PAXIP1: variants seen among roughly 807,000 people sequenced by gnomAD.
PAXIP1 encodes the protein PAX interacting protein 1.
A neutral mutation model predicts 140.6 loss-of-function variants in PAXIP1; 19 were observed. The ratio of observed to expected loss-of-function variants is 0.14; its 90% CI spans 0.09 to 0.20. PAXIP1 has a LOEUF of 0.20. Among genes scored for constraint, PAXIP1 ranks in the 10% least tolerant of loss-of-function variants. The pLI, the probability that PAXIP1 is intolerant of heterozygous loss-of-function variation, is 1.00. For missense variants in PAXIP1, 920 were observed against 1,208.6 expected (o/e 0.76, Z 3.54); for synonymous variants, 442 against 444.6 (o/e 0.99, Z 0.07).
chr7:154,958,944 G>A (rs1421413739), intron 13 of PAXIP1, among the ~76,000 whole-genome samples: 1 of 152,168 alleles, frequency 6.6e-6, no homozygotes, highest in Non-Finnish European at 1.5e-5. Context: ...ATAACTACTA[G>A]TTTAAGCTAG....
At chr7:154,967,180 A>C (rs1026379364) in intron 8 of PAXIP1, 1 of 152,334 alleles carries the variant, frequency 6.6e-6, no homozygotes, top group Admixed American at 6.5e-5. Flanking sequence ...GATTTCGCAC[A>C]TATTCCCTAA....
At chr7:154,982,179 A>G (rs1371411108) in intron 5 of PAXIP1, among the ~76,000 whole-genome samples, 1 of 152,210 alleles carries the variant, frequency 6.6e-6, no homozygotes, top group Non-Finnish European at 1.5e-5. Context: ...GTCATGGAAA[A>G]TATGTTTTTT....
chr7:154,994,674 C>T (rs1810491345), intron 2 of PAXIP1, among the ~76,000 whole-genome samples: 1 of 152,052 alleles, frequency 6.6e-6, no homozygotes, highest in African/African-American at 2.4e-5. Flanking sequence ...GAAATGCCCC[C>T]CTTATCATTT....
Position 154,962,865 on chromosome 7 carries a change from T to C in PAXIP1, c.1990-407A>G, listed in dbSNP as rs565844318. Among the ~76,000 whole-genome samples the C allele has an allele frequency of 2.0e-5, 3 of 152,288 alleles. No homozygotes were observed. In the South Asian group the frequency reaches 6.2e-4, roughly 32 times the overall value. ...AAAAAGTCTCAGAAGTATTTCCACATTTTTACAGGAAAAGCAGATCCTGTG... is the reference window on the plus strand; with the variant it reads ...AAAAAGTCTCAGAAGTATTTCCACACTTTTACAGGAAAAGCAGATCCTGTG... On this transcript the variant is annotated intron_variant, in intron 9 of 20. Transcript: ENST00000404141.
chr7:154,983,239 T>C lies in PAXIP1; in HGVS notation c.418A>G (p.Ile140Val). The C allele has an allele frequency of 6.2e-7, 1 of 1,608,286 alleles. No homozygotes were observed. Among genetic ancestry groups the C allele is most frequent in the East Asian group, 2.2e-5 (1 of 44,758 alleles). The change falls in exon 5 of 21, where the codon ATT becomes GTT. Residue 140 changes from isoleucine (I) to valine (V), a missense_variant. By Grantham distance (29) the Ile-to-Val change is conservative. Around this residue, in one of 5 missense-constraint regions of PAXIP1, gnomAD observed 419 missense variants for 514.7 expected, o/e 0.81. Coordinates refer to ENST00000404141, the MANE Select transcript of PAXIP1 (RefSeq NM_007349.4). ...CTTACCCCCTTTGGCTCTGGAACAA[T>C]CAAATGCGTGCATTTCTTATTGAGG... The part of the protein sequence containing the change: ...LTLNKKCTHL[I>V]VPEPKGEKYE...
rs116483840 is a variant in PAXIP1, at chr7:154,966,783, G to C, written c.1893+1033C>G. Among the ~76,000 whole-genome samples the C allele has an allele frequency of 5.2e-3, 796 of 152,218 alleles. 5 individuals carry two copies. The highest frequency in any genetic ancestry group is 0.018 in the African/African-American group (727 of 41,516). On this transcript the variant is annotated intron_variant, in intron 8 of 20. Transcript: ENST00000404141. ...CCTTTACTATTTAAAATGCACAGCT[G>C]ATCACTTCACCTGCATCTAAACTTC...
chr7:154,953,790 A>G (rs958592801), intron 16 of PAXIP1, among the ~76,000 whole-genome samples: 7 of 152,222 alleles, frequency 4.6e-5, no homozygotes, highest in Non-Finnish European at 1.5e-5. Context: ...CCTGTTAGTA[A>G]AAGAATTTCT....
intron 5 of PAXIP1, 124 bp downstream of exon 5, chr7:154,983,095 C>G (rs1480765641): frequency 3.5e-6 from 2 of 567,180 alleles, no homozygotes; most frequent in Non-Finnish European, 6.2e-6. Flanking sequence ...ATAATATAAA[C>G]CAATATAATC....
intron 1 of PAXIP1, chr7:155,001,314 G>A (rs1188546543): frequency 1.3e-5 from 2 of 151,810 alleles, no homozygotes; most frequent in Non-Finnish European, 1.5e-5. Context: ...AATGAAACAC[G>A]AAGGCTAGGA....
rs190395454 is a variant in PAXIP1 at position 154,986,470 on chromosome 7, C to T, written c.325-3138G>A. ...ACTGTATGTTTACTGAGAGAGAAATCGCATCTTAATTAATTTGTACCCCTC... is the reference window on the plus strand; with the variant it reads ...ACTGTATGTTTACTGAGAGAGAAATTGCATCTTAATTAATTTGTACCCCTC... On this transcript the variant is annotated intron_variant, in intron 4 of 20. Coordinates refer to ENST00000404141, the MANE Select transcript of PAXIP1 (RefSeq NM_007349.4). This position sits in a 1 kb window ranked among gnomAD's most constrained non-coding sequence, Gnocchi z 4.8. 6.6e-6 allele frequency among the ~76,000 whole-genome samples: 1 copy of T among 152,118 alleles called. No individual in the cohort carries two copies. The highest frequency in any genetic ancestry group is 1.5e-5 in the Non-Finnish European group (1 of 68,012).
chr7:154,975,583 G>C, intron 6 of PAXIP1, 113 bp downstream of exon 6: 1 of 672,878 alleles, frequency 1.5e-6, no homozygotes, highest in African/African-American at 1.8e-5. Context: ...CACAAATACT[G>C]CTTGTAAGTT....
At chr7:154,984,145 A>C (rs2150774690) in intron 4 of PAXIP1, among the ~76,000 whole-genome samples, 1 of 152,306 alleles carries the variant, frequency 6.6e-6, no homozygotes, top group East Asian at 1.9e-4. Context: ...TGACTTTTAA[A>C]ACCCAGGTCT....
chr7:154,994,988 T>G (rs1231651523), intron 2 of PAXIP1, among the ~76,000 whole-genome samples: 1 of 152,204 alleles, frequency 6.6e-6, no homozygotes, highest in Non-Finnish European at 1.5e-5. Flanking sequence ...CAGGAATCGG[T>G]ATTGGCCTTG....
Position 154,975,687 on chromosome 7 carries a change from G to A in PAXIP1, c.1074+9C>T. The stretch of plus-strand genomic sequence containing the variant: ...AATACTGACATTTTTTTCGGAAAGA[G>A]TGACTTACATGTGCTACATTTGATG... On this transcript the variant is annotated intron_variant, in intron 6 of 20. Transcript: ENST00000404141. 1 of 1,565,300 alleles carries A rather than the reference G, an allele frequency of 6.4e-7. No individual in the cohort carries two copies. Among genetic ancestry groups the A allele is most frequent in the Non-Finnish European group, 8.8e-7 (1 of 1,142,420 alleles).
intron 16 of PAXIP1, chr7:154,949,082 C>T (rs920304086): frequency 1.3e-5 from 2 of 152,054 alleles, no homozygotes; most frequent in Non-Finnish European, 2.9e-5. Flanking sequence ...TCTCCTCCGC[C>T]GCCATTTCCT....
At chr7:154,955,942 A>G (rs1049902495) in intron 14 of PAXIP1, among the ~76,000 whole-genome samples, 2 of 152,256 alleles carry the variant, frequency 1.3e-5, no homozygotes, top group African/African-American at 4.8e-5. Flanking sequence ...AGAAGAAAGC[A>G]AATATCAAAG....
intron 11 of PAXIP1, 89 bp downstream of exon 11, chr7:154,961,436 CTA>C: frequency 9.5e-7 from 1 of 1,056,922 alleles, no homozygotes; most frequent in African/African-American, 1.6e-5. Flanking sequence ...TACCACAAAA[CTA>C]TGACATACTA....
intron 2 of PAXIP1, among the ~76,000 whole-genome samples, chr7:154,994,892 G>A (rs1424148985): frequency 1.3e-5 from 2 of 152,102 alleles, no homozygotes; most frequent in Non-Finnish European, 2.9e-5. Context: ...TTAATTTTTC[G>A]ATCTATGTGC....
At chr7:154,944,841 A>G (rs943536828) in intron 20 of PAXIP1, 3 of 152,194 alleles carry the variant, frequency 2.0e-5, no homozygotes, top group African/African-American at 7.2e-5. Context: ...ATAATTTTCT[A>G]ATAGATGGCG....
Sources: allele counts gnomAD v4.1 joint callset (sites outside exome capture counted in the v4.1 genomes callset), GRCh38; gene constraint gnomAD v4.1.1; regional missense constraint gnomAD v4.1.1; non-coding constraint Gnocchi (gnomAD v3.1); transcripts MANE v1.5; gene names NCBI Gene and HGNC (gene_info 2026-07-23, HGNC 2026-07-21).